The following LMO2 variants were observed in gnomAD, a reference collection of about 807,000 sequenced individuals.
LMO2 encodes LIM domain only 2.
A neutral mutation model predicts 23.2 loss-of-function variants in LMO2; 20 were observed. That is an observed-to-expected ratio of 0.86 (90% CI 0.61 to 1.25). The LOEUF is 1.25. LMO2 is among the 50% of genes most tolerant of loss of function. The pLI, the probability that LMO2 is intolerant of heterozygous loss-of-function variation, is 0.00. For synonymous variants in LMO2, 123 were observed against 130.2 expected (o/e 0.94, Z 0.38); for missense variants, 270 against 315.3 (o/e 0.86, Z 1.09).
intron 2 of LMO2, among the ~76,000 whole-genome samples, chr11:33,875,980 C>G (rs1590647865): frequency 6.6e-6 from 1 of 152,178 alleles, no homozygotes; most frequent in Admixed American, 6.5e-5. Flanking sequence ...TCCAGCATGC[C>G]CCTTCACTCT....
Position 33,864,492 on chromosome 11 carries a change from G to T in LMO2, c.464+110C>A. The T allele has an allele frequency of 1.2e-6, 1 of 804,478 alleles. No homozygotes were observed. The highest frequency in any genetic ancestry group is 2.0e-6 in the Non-Finnish European group (1 of 507,608). 49.8% of individuals were successfully genotyped at this position (804,478 alleles called of 1,614,324 possible). ...CTCTGCAGTCTGACCTCTTTCTATA[G>T]GTGGTGTCCGAGCCTGGAGCAGGGT... On this transcript the variant is annotated intron_variant, in intron 5 of 5. Transcript: ENST00000257818. The surrounding 1 kb of genome is among the most constrained non-coding windows in gnomAD (Gnocchi z 4.8).
At chr11:33,882,393 G>A (rs1305513245) in intron 1 of LMO2, among the ~76,000 whole-genome samples, 1 of 152,188 alleles carries the variant, frequency 6.6e-6, no homozygotes, top group African/African-American at 2.4e-5. Flanking sequence ...AGGTAGCCTG[G>A]TGCCCATTTG....
intron 4 of LMO2, 132 bp downstream of exon 4, chr11:33,869,214 G>C: frequency 1.8e-6 from 1 of 545,134 alleles, no homozygotes; most frequent in Non-Finnish European, 2.5e-6. Context: ...CCCAGCGCTC[G>C]GCACAGGGGG....
At chr11:33,871,567 C>CAAA (rs58212820) in intron 2 of LMO2, among the ~76,000 whole-genome samples, 5,772 of 52,374 alleles carry the variant, frequency 0.11, 524 homozygotes, top group Non-Finnish European at 0.13. Flanking sequence ...GACCCTGTCT[C>CAAA]AAAAAAAAAA....
In LMO2 at chr11:33,864,456, T is replaced by C. The variant is rs1856697678; in HGVS notation, c.464+146A>G. The C allele has an allele frequency of 1.9e-5, 12 of 636,250 alleles. No homozygotes were observed. Among genetic ancestry groups the C allele is most frequent in the Non-Finnish European group, 2.7e-5 (10 of 367,958 alleles). The allele number at this position is 636,250 out of a possible 1,614,324, so 39.4% of individuals were successfully genotyped here. A position where few individuals can be genotyped will look rare whatever the true frequency, so the allele number is the denominator to read the frequency against. ...GCCCTCTGCTTCTCAGCACAGGAGC[T>C]GAGACTCAGCCTCTGCAGTCTGACC... is the stretch of plus-strand genomic sequence containing the variant. On this transcript the variant is annotated intron_variant, in intron 5 of 5. Coordinates refer to ENST00000257818, the MANE Select transcript of LMO2 (RefSeq NM_005574.4). This position sits in a 1 kb window ranked among gnomAD's most constrained non-coding sequence, Gnocchi z 4.8.
rs1590640702 is a variant in LMO2 at position 33,869,840 on chromosome 11, C to A, written c.-124G>T. 4 of 1,065,554 alleles carry A rather than the reference C, an allele frequency of 3.8e-6. No individual in the cohort carries two copies. Among genetic ancestry groups the A allele is most frequent in the Non-Finnish European group, 4.5e-6 (4 of 882,872 alleles). The allele number at this position is 1,065,554 out of a possible 1,614,324, so 66.0% of individuals were successfully genotyped here. Reference sequence around the variant, plus strand: ...CCCCTCGCACCTTCGGCCCGGGTCGCGGCGCGCTGCTCGCCGCCGAGGGCA... The same window carrying A: ...CCCCTCGCACCTTCGGCCCGGGTCGAGGCGCGCTGCTCGCCGCCGAGGGCA... On this transcript the variant is annotated 5_prime_UTR_variant, in exon 3 of 6. Coordinates refer to ENST00000257818, the MANE Select transcript of LMO2 (RefSeq NM_005574.4).
At chr11:33,885,049 G>T (rs1160163059) in intron 1 of LMO2, among the ~76,000 whole-genome samples, 1 of 152,202 alleles carries the variant, frequency 6.6e-6, no homozygotes, top group East Asian at 1.9e-4. Context: ...TGGGTAGGAA[G>T]ACTGCCCATC....
At chr11:33,870,066 C>G in intron 2 of LMO2, 79 bp from the exon 3 acceptor site, 5 of 383,552 alleles carry the variant, frequency 1.3e-5, no homozygotes, top group Non-Finnish European at 1.8e-5. Context: ...CCCCTTTTTT[C>G]TTCCTTTTTT....
At chr11:33,891,368 CACACACACACACACACACACAT>C (rs1274414900) in intron 1 of LMO2, among the ~76,000 whole-genome samples, 8 of 125,090 alleles carry the variant, frequency 6.4e-5, no homozygotes, top group Admixed American at 5.5e-4. Flanking sequence ...CACACACACA[CACACACACACACACACACACAT>C]GCACACACAC....
In LMO2 at chr11:33,871,201, CTGTGTGTGTGTGTG is replaced by C. The variant is rs56309116; in HGVS notation, c.-271-1228_-271-1215del. 1.4e-3 allele frequency: 232 copies of C among 160,158 alleles called. 4 individuals carry two copies. The highest frequency in any genetic ancestry group is 3.7e-3 in the South Asian group (17 of 4,642). 9.9% of individuals were successfully genotyped at this position (160,158 alleles called of 1,614,324 possible). On this transcript the variant is annotated intron_variant, in intron 2 of 5. Transcript: ENST00000257818. Reference sequence around the variant, plus strand: ...GGTCCCTAATGGGTATAATCAAAAGCTGTGTGTGTGTGTGTGTGTGTGTGTGTGTGTGTGTGTGT... The same window carrying C: ...GGTCCCTAATGGGTATAATCAAAAGCTGTGTGTGTGTGTGTGTGTGTGTGT...
chr11:33,888,619 A>C (rs1857469806), intron 1 of LMO2, among the ~76,000 whole-genome samples: 1 of 152,160 alleles, frequency 6.6e-6, no homozygotes, highest in South Asian at 2.1e-4. Context: ...TCATCACCTG[A>C]GTAAGACACT....
chr11:33,862,951 T>C (rs1156317536), intron 5 of LMO2, among the ~76,000 whole-genome samples: 1 of 152,058 alleles, frequency 6.6e-6, no homozygotes, highest in Non-Finnish European at 1.5e-5. Flanking sequence ...CAGACTGTTT[T>C]TTTTTTCCTC....
rs1331241509 is a variant in LMO2, at chr11:33,864,061, C to A, written c.464+541G>T. ...CTCAAACCTCCAACTGCCTACAGGG[C>A]CTTTGCCTTTCTGCTCTTCGAAGAC... On this transcript the variant is annotated intron_variant, in intron 5 of 5. Coordinates refer to ENST00000257818, the MANE Select transcript of LMO2 (RefSeq NM_005574.4). The surrounding 1 kb of genome is among the most constrained non-coding windows in gnomAD (Gnocchi z 4.8). 3.3e-5 allele frequency among the ~76,000 whole-genome samples: 5 copies of A among 152,194 alleles called. No individual in the cohort carries two copies. The highest frequency in any genetic ancestry group is 6.5e-5 in the Admixed American group (1 of 15,288).
chr11:33,870,288 A>C, intron 2 of LMO2: 1 of 901,666 alleles, frequency 1.1e-6, no homozygotes, highest in African/African-American at 1.8e-5. Flanking sequence ...GGCAGAAAGT[A>C]ACCCACGAAC....
At chr11:33,875,816 G>A (rs1857125461) in intron 2 of LMO2, among the ~76,000 whole-genome samples, 1 of 152,168 alleles carries the variant, frequency 6.6e-6, no homozygotes, top group African/African-American at 2.4e-5. Flanking sequence ...TCTTTGTTTA[G>A]GCAGCCTGTC....
chr11:33,863,047 G>GTCCCTATCTTCTCCC (rs1856642703), intron 5 of LMO2, among the ~76,000 whole-genome samples: 1 of 152,050 alleles, frequency 6.6e-6, no homozygotes, highest in Admixed American at 6.6e-5. Flanking sequence ...GAGATAGGGA[G>GTCCCTATCTTCTCCC]AAGCTGGGGC....
chr11:33,878,846 G>T lies in LMO2; in HGVS notation c.-272+2978C>A, dbSNP rs1028761802. On this transcript the variant is annotated intron_variant, in intron 2 of 5. Transcript: ENST00000257818. ...TGCAACATCTTGCCTTAAGTCCTTG[G>T]AGAAGAGAGACCATGGTTTTCATCT... is the stretch of plus-strand genomic sequence containing the variant. 1.7e-4 allele frequency among the ~76,000 whole-genome samples: 26 copies of T among 152,282 alleles called. 1 individual carries two copies. The highest frequency in any genetic ancestry group is 6.3e-4 in the African/African-American group (26 of 41,552).
chr11:33,869,811 G>A lies in LMO2; in HGVS notation c.-95C>T. 3.6e-6 allele frequency: 4 copies of A among 1,099,160 alleles called. No homozygotes were observed. The highest frequency in any genetic ancestry group is 4.4e-6 in the Non-Finnish European group (4 of 904,956). 68.1% of individuals were successfully genotyped at this position (1,099,160 alleles called of 1,614,324 possible). On this transcript the variant is annotated 5_prime_UTR_variant, in exon 3 of 6. Transcript: ENST00000257818. ...ATGGTGTGCGCCCGCCCGGCCGCCC[G>A]GAGCCCCTCGCACCTTCGGCCCGGG...
chr11:33,861,475 C>A (rs1039471836), intron 5 of LMO2, among the ~76,000 whole-genome samples: 2 of 152,190 alleles, frequency 1.3e-5, no homozygotes, highest in African/African-American at 2.4e-5. Context: ...ATCCTGCTTT[C>A]CATTTGAAGA....
Sources: gnomAD v4.1 joint callset for allele counts (sites outside exome capture counted in the v4.1 genomes callset) on GRCh38, gnomAD v4.1.1 for gene constraint, Gnocchi (gnomAD v3.1) non-coding constraint, MANE v1.5 for transcripts, NCBI Gene and HGNC (gene_info 2026-07-23, HGNC 2026-07-21) for gene names.